PHGDH: variants seen among roughly 807,000 people sequenced by gnomAD.
The protein encoded by PHGDH is phosphoglycerate dehydrogenase, also known as D-3-phosphoglycerate dehydrogenase.
A neutral mutation model predicts 52.6 loss-of-function variants in PHGDH; 50 were observed. The ratio of observed to expected loss-of-function variants is 0.95; its 90% CI spans 0.76 to 1.20. The LOEUF (loss-of-function observed/expected upper bound fraction) is 1.20, where lower values mean the gene tolerates loss of function less well. Among genes scored for constraint, PHGDH ranks in the 50% most tolerant of loss-of-function variants. The pLI, the probability that PHGDH is intolerant of heterozygous loss-of-function variation, is 0.00. For missense variants in PHGDH, 630 were observed against 684.6 expected (o/e 0.92, Z 0.89); for synonymous variants, 271 against 280.5 (o/e 0.97, Z 0.34).
intron 3 of PHGDH, among the ~76,000 whole-genome samples, chr1:119,724,012 T>C (rs1350182989): frequency 6.6e-6 from 1 of 152,052 alleles, no homozygotes; most frequent in Non-Finnish European, 1.5e-5. Context: ...ACAATGGAAC[T>C]CAAATGGGCA....
chr1:119,723,277 A>G, intron 2 of PHGDH, 99 bp from the exon 3 acceptor site: 1 of 922,454 alleles, frequency 1.1e-6, no homozygotes, highest in South Asian at 1.3e-5. Flanking sequence ...ATGGAGCAGG[A>G]GTGAGAGAAC....
intron 8 of PHGDH, chr1:119,739,767 G>C (rs1198083041): frequency 6.5e-6 from 1 of 152,730 alleles, no homozygotes; most frequent in Non-Finnish European, 1.5e-5. Flanking sequence ...TCAGGCCCCT[G>C]GGTGGGGCAG....
At chr1:119,737,003 G>A in intron 7 of PHGDH, 111 bp from the exon 8 acceptor site, 1 of 966,290 alleles carries the variant, frequency 1.0e-6, no homozygotes, top group Non-Finnish European at 1.7e-6. Context: ...AGAAGTGGAA[G>A]GCACCAGAAC....
chr1:119,712,205 T>A, intron 1 of PHGDH, 45 bp downstream of exon 1: 1 of 1,588,150 alleles, frequency 6.3e-7, no homozygotes. Context: ...GCAACCTCCA[T>A]GGAAAAAGGC....
chr1:119,733,479 G>A (rs56125282), intron 5 of PHGDH, among the ~76,000 whole-genome samples: 44,613 of 148,328 alleles, frequency 0.3, 6,922 homozygotes, highest in East Asian at 0.46. Flanking sequence ...TGGCACAGGT[G>A]CATGCCACCA....
chr1:119,729,733 A>T (rs1258056904), intron 5 of PHGDH: 1 of 152,150 alleles, frequency 6.6e-6, no homozygotes, highest in Non-Finnish European at 1.5e-5. Flanking sequence ...GTGTCAGGAA[A>T]TGGCTGACAC....
At chr1:119,726,147 T>C (rs1472740189) in intron 3 of PHGDH, among the ~76,000 whole-genome samples, 1 of 151,654 alleles carries the variant, frequency 6.6e-6, no homozygotes, top group Non-Finnish European at 1.5e-5. Flanking sequence ...CAGACTTCCA[T>C]CTGGACTAAT....
rs968948970 is a variant in PHGDH, at chr1:119,740,471, G to A, written c.1031G>A (p.Arg344Gln). ...GLAEALGTLM[R>Q]AWAGSPKGTI... is the part of the protein sequence containing the mutation. ...GCAGAAGCTCTGGGGACACTGATGC[G>A]AGCCTGGGCTGGGTCCCCCAAAGGG... Residue 344 changes from arginine (R) to glutamine (Q), a missense_variant, in exon 9 of 12, where the codon CGA (arginine) becomes CAA (glutamine). Arg to Gln is a conservative substitution (Grantham distance 43). Coordinates refer to ENST00000641023, the MANE Select transcript of PHGDH (RefSeq NM_006623.4). 38 of 1,604,316 alleles carry A rather than the reference G, an allele frequency of 2.4e-5. No homozygotes were observed. The highest frequency in any genetic ancestry group is 2.7e-5 in the Non-Finnish European group (32 of 1,175,312).
chr1:119,738,494 C>T (rs587692997), intron 8 of PHGDH, among the ~76,000 whole-genome samples: 1 of 152,202 alleles, frequency 6.6e-6, no homozygotes, highest in Non-Finnish European at 1.5e-5. Context: ...TGTGTGGGCT[C>T]CTCAGGGCAG....
At position 119,721,170 on chromosome 1, in the gene PHGDH, G is replaced by A; in HGVS notation, c.139G>A (p.Asp47Asn). 1.2e-6 allele frequency: 2 copies of A among 1,614,114 alleles called. No homozygotes were observed. Among genetic ancestry groups the A allele is most frequent in the Non-Finnish European group, 1.7e-6 (2 of 1,179,970 alleles). The change falls in exon 2 of 12, where the codon GAC becomes AAC. Residue 47 changes from aspartate (D) to asparagine (N), a missense_variant and splice_region_variant. Physicochemically the swap from Asp to Asn is conservative, Grantham distance 23. Coordinates refer to ENST00000641023, the MANE Select transcript of PHGDH (RefSeq NM_006623.4). ...GACCCAAATGTTTTTTCTGCTTCAGGACTGTGAAGGCCTTATTGTTCGCTC... is the reference window on the plus strand; with the variant it reads ...GACCCAAATGTTTTTTCTGCTTCAGAACTGTGAAGGCCTTATTGTTCGCTC... Reference protein sequence around the residue: ...SKEELIAELQDCEGLIVRSAT... With the variant: ...SKEELIAELQNCEGLIVRSAT...
chr1:119,713,511 G>A (rs767938239), intron 1 of PHGDH: 17 of 152,238 alleles, frequency 1.1e-4, no homozygotes, highest in Non-Finnish European at 8.8e-5. Flanking sequence ...TTGAGCAGAT[G>A]ACACAAGAGC....
intron 5 of PHGDH, among the ~76,000 whole-genome samples, chr1:119,730,519 C>T (rs760489415): frequency 1.3e-5 from 2 of 152,100 alleles, no homozygotes; most frequent in African/African-American, 4.8e-5. Context: ...AGTTCCATGC[C>T]TGTGGATGGA....
Position 119,735,605 on chromosome 1 carries a change from G to A in PHGDH, c.792+162G>A, listed in dbSNP as rs587620064. 4.6e-5 allele frequency among the ~76,000 whole-genome samples: 7 copies of A among 152,358 alleles called. No individual in the cohort carries two copies. In the South Asian group the frequency reaches 1.4e-3, roughly 32 times the overall value. On this transcript the variant is annotated intron_variant, in intron 7 of 11. Coordinates refer to ENST00000641023, the MANE Select transcript of PHGDH (RefSeq NM_006623.4). ...GTGTTGCCAAAAACACACCTTTGTG[G>A]TTTGAGGAGTCCTTGCGGAGCCTGG...
At chr1:119,725,862 G>A (rs1013930956) in intron 3 of PHGDH, among the ~76,000 whole-genome samples, 18 of 152,224 alleles carry the variant, frequency 1.2e-4, no homozygotes, top group Non-Finnish European at 1.8e-4. Flanking sequence ...ATCTGTTCAA[G>A]TGCCTCCAGT....
Position 119,721,215 on chromosome 1 carries a change from G to T in PHGDH, c.184G>T (p.Asp62Tyr), listed in dbSNP as rs749449432. Residue 62 changes from aspartate (D) to tyrosine (Y), a missense_variant, in exon 2 of 12, where the codon GAT (aspartate) becomes TAT (tyrosine). Coordinates refer to ENST00000641023, the MANE Select transcript of PHGDH (RefSeq NM_006623.4). Reference protein sequence around the residue: ...IVRSATKVTADVINAAEKLQV... With the variant: ...IVRSATKVTAYVINAAEKLQV... ...TCGCTCTGCCACCAAGGTGACCGCTGATGTCATCAACGCAGCTGAGAAACT... is the reference window on the plus strand; with the variant it reads ...TCGCTCTGCCACCAAGGTGACCGCTTATGTCATCAACGCAGCTGAGAAACT... The T allele has an allele frequency of 6.2e-7, 1 of 1,614,096 alleles. No individual in the cohort carries two copies. The highest frequency in any genetic ancestry group is 1.3e-5 in the African/African-American group (1 of 74,932).
intron 5 of PHGDH, among the ~76,000 whole-genome samples, chr1:119,730,935 G>A (rs1171762759): frequency 6.6e-6 from 1 of 152,158 alleles, no homozygotes. Flanking sequence ...TAATACTTAA[G>A]GGTGCAGAAT....
intron 1 of PHGDH, among the ~76,000 whole-genome samples, chr1:119,715,493 C>G (rs587710774): frequency 2.4e-4 from 37 of 152,284 alleles, no homozygotes; most frequent in Non-Finnish European, 4.7e-4. Flanking sequence ...ACCTGCCTTC[C>G]CTATAGCTGG....
At position 119,716,978 on chromosome 1, in the gene PHGDH, G is replaced by A. The variant is rs587640400; in HGVS notation, c.139-4192G>A. 1.2e-4 allele frequency among the ~76,000 whole-genome samples: 18 copies of A among 152,072 alleles called. No individual in the cohort carries two copies. In the South Asian group the frequency reaches 1.5e-3, roughly 12 times the overall value. ...AATCTATATTTCCTTGATATCTAGC[G>A]TTGAAGAGTCTATAAACTAGTGAAA... On this transcript the variant is annotated intron_variant, in intron 1 of 11. Coordinates refer to ENST00000641023, the MANE Select transcript of PHGDH (RefSeq NM_006623.4).
At chr1:119,714,462 A>G (rs1432496209) in intron 1 of PHGDH, 4 of 152,246 alleles carry the variant, frequency 2.6e-5, no homozygotes, top group African/African-American at 4.8e-5. Context: ...GAAATATCAG[A>G]CAGCAATGCA....
Sources: allele counts gnomAD v4.1 joint callset (sites outside exome capture counted in the v4.1 genomes callset), GRCh38; gene constraint gnomAD v4.1.1; transcripts MANE v1.5; gene names NCBI Gene and HGNC (gene_info 2026-07-23, HGNC 2026-07-21).